The following ST8SIA3 variants were observed in gnomAD, a reference collection of about 807,000 sequenced individuals.
ST8SIA3 encodes alpha-N-acetylneuraminate alpha-2,8-sialyltransferase ST8SIA3.
A neutral mutation model predicts 34.5 loss-of-function variants in ST8SIA3; 17 were observed. That is an observed-to-expected ratio of 0.49 (90% CI 0.34 to 0.74). ST8SIA3 has a LOEUF of 0.74. Ranked by LOEUF, ST8SIA3 falls within the 30% of genes least tolerant of loss-of-function variation. The pLI, the probability that ST8SIA3 is intolerant of heterozygous loss-of-function variation, is 0.01. For synonymous variants in ST8SIA3, 172 were observed against 176.1 expected, an observed-to-expected ratio of 0.98 and a Z score of 0.19; for missense variants, 354 against 467.8, an observed-to-expected ratio of 0.76 and a Z score of 2.24.
At position 57,354,442 on chromosome 18, in the gene ST8SIA3, C is replaced by T. The variant is rs1217917077; in HGVS notation, c.220C>T (p.Pro74Ser). The T allele has an allele frequency of 1.9e-6, 3 of 1,614,006 alleles. No homozygotes were observed. The highest frequency in any genetic ancestry group is 1.3e-5 in the African/African-American group (1 of 74,930). The change falls in exon 2 of 4, where the codon CCC becomes TCC. Residue 74 changes from proline (P) to serine (S), a missense_variant. This residue lies in a region of ST8SIA3 where 184 missense variants were observed against 205.4 expected (regional missense o/e 0.90). Transcript: ENST00000324000. ...ALKFLDPSFV[P>S]ITNSLTQELQ... Reference sequence around the variant, plus strand: ...GAAGTTTCTAGACCCGTCATTCGTGCCCATTACGAATTCTCTCACCCAGGA... The same window carrying T: ...GAAGTTTCTAGACCCGTCATTCGTGTCCATTACGAATTCTCTCACCCAGGA...
chr18:57,354,315 C>T lies in ST8SIA3; in HGVS notation c.180-87C>T. 3 of 1,572,456 alleles carry T rather than the reference C, an allele frequency of 1.9e-6. No individual in the cohort carries two copies. The East Asian group carries it at 6.7e-5, about 35-fold the overall frequency. On this transcript the variant is annotated intron_variant, in intron 1 of 3. Transcript: ENST00000324000. ...GGAGCCCGCACGCGTACCAGCCGCCCTCGCCCCAGCCGCTGCACTTTAATG... is the reference window on the plus strand; with the variant it reads ...GGAGCCCGCACGCGTACCAGCCGCCTTCGCCCCAGCCGCTGCACTTTAATG...
At position 57,352,644 on chromosome 18, in the gene ST8SIA3, C is replaced by A; in HGVS notation, c.-203C>A. ...CTGCCTACGGGGTCCCGCTGCTCTC[C>A]GGGGCTCCTGCCAGCCCCAACCCCC... On this transcript the variant is annotated 5_prime_UTR_variant, in exon 1 of 4. Coordinates refer to ENST00000324000, the MANE Select transcript of ST8SIA3 (RefSeq NM_015879.3). 1.7e-6 allele frequency: 1 copy of A among 583,008 alleles called. No individual in the cohort carries two copies. The highest frequency in any genetic ancestry group is 3.1e-6 in the Non-Finnish European group (1 of 327,046). 36.1% of individuals were successfully genotyped at this position (583,008 alleles called of 1,614,324 possible). A position where few individuals can be genotyped will look rare whatever the true frequency, so the allele number is the denominator to read the frequency against.
intron 1 of ST8SIA3, 134 bp from the exon 2 acceptor site, chr18:57,354,268 G>C: frequency 8.9e-7 from 1 of 1,128,826 alleles, no homozygotes; most frequent in Non-Finnish European, 1.3e-6. Context: ...TGGACCAAAT[G>C]AGAGGGGCTC....
intron 1 of ST8SIA3, 110 bp downstream of exon 1, chr18:57,353,135 C>T: frequency 9.5e-7 from 1 of 1,049,808 alleles, no homozygotes; most frequent in East Asian, 2.5e-5. Flanking sequence ...CTCTTTGGGC[C>T]AGATAACTGC....
intron 2 of ST8SIA3, among the ~76,000 whole-genome samples, chr18:57,356,565 C>T (rs2049798575): frequency 6.6e-6 from 1 of 152,170 alleles, no homozygotes. Context: ...CTCTTTCAGG[C>T]CTGTGTAAAT....
rs1292041353 is a variant in ST8SIA3, at chr18:57,361,630, T to G, written c.*1353T>G. 6.5e-6 allele frequency: 1 copy of G among 152,688 alleles called. No homozygotes were observed. Among genetic ancestry groups the G allele is most frequent in the Non-Finnish European group, 1.5e-5 (1 of 68,044 alleles). 9.5% of individuals were successfully genotyped at this position (152,688 alleles called of 1,614,324 possible). On this transcript the variant is annotated 3_prime_UTR_variant, in exon 4 of 4. Coordinates refer to ENST00000324000, the MANE Select transcript of ST8SIA3 (RefSeq NM_015879.3). The stretch of plus-strand genomic sequence containing the variant: ...AGTAGCTGGCCATTCTCATTTTCTT[T>G]ATTTCAGCCATATGAGTAGAAATCA...
rs2144211197 is a variant in ST8SIA3 at position 57,364,197 on chromosome 18, T to C, written c.*3920T>C. 1 of 152,356 alleles carries C rather than the reference T, an allele frequency of 6.6e-6. No homozygotes were observed. The highest frequency in any genetic ancestry group is 1.5e-5 in the Non-Finnish European group (1 of 68,034). The allele number at this position is 152,356 out of a possible 1,614,324, so 9.4% of individuals were successfully genotyped here. ...TAACAATTAAGTTACTGGTGGTTCA[T>C]GCTTGACAGCTGCAATCTTACCCAA... On this transcript the variant is annotated 3_prime_UTR_variant, in exon 4 of 4. Transcript: ENST00000324000.
Position 57,360,233 on chromosome 18 carries a change from C to T in ST8SIA3, c.1099C>T (p.His367Tyr), listed in dbSNP as rs2049823033. Residue 367 changes from histidine to tyrosine, a missense_variant, in exon 4 of 4, where the codon CAT becomes TAT. Transcript: ENST00000324000. Reference protein sequence around the residue: ...PAEFQLLYRMHGEGLTKLTLS... With the variant: ...PAEFQLLYRMYGEGLTKLTLS... ...TGAGTTTCAGCTGCTGTACCGAATG[C>T]ATGGGGAAGGGCTCACCAAGCTGAC... The T allele has an allele frequency of 6.2e-7, 1 of 1,613,960 alleles. No homozygotes were observed. Among genetic ancestry groups the T allele is most frequent in the African/African-American group, 1.3e-5 (1 of 74,926 alleles).
chr18:57,364,412 A>G lies in ST8SIA3; in HGVS notation c.*4135A>G, dbSNP rs2049848899. 6.6e-6 allele frequency: 1 copy of G among 152,238 alleles called. No homozygotes were observed. The highest frequency in any genetic ancestry group is 1.5e-5 in the Non-Finnish European group (1 of 68,038). The allele number at this position is 152,238 out of a possible 1,614,324, so 9.4% of individuals were successfully genotyped here. ...TTTGAAATATTGTGTTTGGTTCAAT[A>G]TGCTAAGAAGATATACAAATAATAA... On this transcript the variant is annotated 3_prime_UTR_variant, in exon 4 of 4. Coordinates refer to ENST00000324000, the MANE Select transcript of ST8SIA3 (RefSeq NM_015879.3).
At position 57,352,881 on chromosome 18, in the gene ST8SIA3, T is replaced by C; in HGVS notation, c.35T>C (p.Val12Ala). The C allele has an allele frequency of 6.2e-7, 1 of 1,613,770 alleles. No homozygotes were observed. The highest frequency in any genetic ancestry group is 8.5e-7 in the Non-Finnish European group (1 of 1,179,986). ...RNCKMARVAS[V>A]LGLVMLSVAL... is the part of the protein sequence containing the mutation. ...TGCAAAATGGCCCGGGTCGCCAGTG[T>C]GCTGGGGCTGGTCATGCTCAGCGTC... The change falls in exon 1 of 4, where the codon GTG (valine) becomes GCG (alanine). Residue 12 changes from valine (V) to alanine (A), a missense_variant. This residue lies in a region of ST8SIA3 where 184 missense variants were observed against 205.4 expected (regional missense o/e 0.90). Transcript: ENST00000324000.
In ST8SIA3 at chr18:57,362,146, T is replaced by C. The variant is rs2144208854; in HGVS notation, c.*1869T>C. The stretch of plus-strand genomic sequence containing the variant: ...TATAAGGGGAGACATTAAAAACATT[T>C]TGTAATTCAGTGGTATAATTTGATG... On this transcript the variant is annotated 3_prime_UTR_variant, in exon 4 of 4. Coordinates refer to ENST00000324000, the MANE Select transcript of ST8SIA3 (RefSeq NM_015879.3). 3 of 152,342 alleles carry C rather than the reference T, an allele frequency of 2.0e-5. No homozygotes were observed. The highest frequency in any genetic ancestry group is 6.8e-3 in the Middle Eastern group (2 of 294). 9.4% of individuals were successfully genotyped at this position (152,342 alleles called of 1,614,324 possible). A position where few individuals can be genotyped will look rare whatever the true frequency, so the allele number is the denominator to read the frequency against.
At chr18:57,358,018 T>C (rs1397265851) in intron 3 of ST8SIA3, among the ~76,000 whole-genome samples, 1 of 152,246 alleles carries the variant, frequency 6.6e-6, no homozygotes, top group Non-Finnish European at 1.5e-5. Context: ...TGGGATTTGA[T>C]AGACAGATTA....
chr18:57,354,998 A>G (rs1420383763), intron 2 of ST8SIA3, among the ~76,000 whole-genome samples: 1 of 152,220 alleles, frequency 6.6e-6, no homozygotes, highest in East Asian at 1.9e-4. Context: ...ATCTGTCTCC[A>G]TCAAATTACT....
intron 1 of ST8SIA3, among the ~76,000 whole-genome samples, chr18:57,353,685 C>T (rs942608948): frequency 2.0e-5 from 3 of 152,186 alleles, no homozygotes; most frequent in African/African-American, 7.2e-5. Context: ...GTCACCGCTC[C>T]GCGCTGGGCC....
chr18:57,354,311 C>T (rs1006312147), intron 1 of ST8SIA3, 91 bp from the exon 2 acceptor site: 1 of 1,548,726 alleles, frequency 6.5e-7, no homozygotes, highest in Non-Finnish European at 8.8e-7. Flanking sequence ...GCGTACCAGC[C>T]GCCCTCGCCC....
At chr18:57,356,241 C>T (rs527967410) in intron 2 of ST8SIA3, among the ~76,000 whole-genome samples, 1 of 152,204 alleles carries the variant, frequency 6.6e-6, no homozygotes, top group East Asian at 1.9e-4. Flanking sequence ...TTTATAATAG[C>T]CATGTTTTCT....
rs946292571 is a variant in ST8SIA3 at position 57,353,032 on chromosome 18, G to A, written c.179+7G>A. ...TGTTCCACGCGGGATTCCGGTGAGTGCGGGCCTCTGTGTTAGTGCCCTCGG... is the reference window on the plus strand; with the variant it reads ...TGTTCCACGCGGGATTCCGGTGAGTACGGGCCTCTGTGTTAGTGCCCTCGG... On this transcript the variant is annotated splice_region_variant and intron_variant, in intron 1 of 3. Transcript: ENST00000324000. 2 of 1,604,450 alleles carry A rather than the reference G, an allele frequency of 1.2e-6. No individual in the cohort carries two copies. Among genetic ancestry groups the A allele is most frequent in the Non-Finnish European group, 1.7e-6 (2 of 1,179,524 alleles).
rs2049843087 is a variant in ST8SIA3 at position 57,363,393 on chromosome 18, C to T, written c.*3116C>T. 6.6e-6 allele frequency: 1 copy of T among 152,234 alleles called. No homozygotes were observed. The highest frequency in any genetic ancestry group is 2.4e-5 in the African/African-American group (1 of 41,456). The allele number at this position is 152,234 out of a possible 1,614,324, so 9.4% of individuals were successfully genotyped here. On this transcript the variant is annotated 3_prime_UTR_variant, in exon 4 of 4. Transcript: ENST00000324000. ...TATTAAAATATCTATCATTTCTCCACCTTGTGTCTGTGTCTTAAGTGTCTG... is the reference window on the plus strand; with the variant it reads ...TATTAAAATATCTATCATTTCTCCATCTTGTGTCTGTGTCTTAAGTGTCTG...
chr18:57,355,715 A>T (rs2049794778), intron 2 of ST8SIA3, among the ~76,000 whole-genome samples: 1 of 152,202 alleles, frequency 6.6e-6, no homozygotes, highest in Non-Finnish European at 1.5e-5. Flanking sequence ...CTCAATAAAA[A>T]ATATTCTTCC....
Sources: gnomAD v4.1 joint callset for allele counts (sites outside exome capture counted in the v4.1 genomes callset) on GRCh38, gnomAD v4.1.1 for gene constraint, gnomAD v4.1.1 regional missense constraint, MANE v1.5 for transcripts, NCBI Gene and HGNC (gene_info 2026-07-23, HGNC 2026-07-21) for gene names.